Variants in HAO1 observed in about 807,000 individuals in gnomAD.
The protein encoded by HAO1 is 2-Hydroxyacid oxidase 1.
Under a neutral mutation model 39.7 loss-of-function variants are expected in HAO1, and 34 were observed. The observed-to-expected ratio is 0.86, with a 90% CI of 0.65 to 1.14. The LOEUF is 1.14. Ranked by LOEUF, HAO1 falls within the 50% of genes most tolerant of loss-of-function variation. The pLI, the probability that HAO1 is intolerant of heterozygous loss-of-function variation, is 0.00. For missense variants in HAO1, 479 were observed against 464.5 expected, an observed-to-expected ratio of 1.03 and a Z score of -0.29; for synonymous variants, 172 against 173.2, an observed-to-expected ratio of 0.99 and a Z score of 0.05.
At chr20:7,937,991 C>T (rs1433529111) in intron 1 of HAO1, among the ~76,000 whole-genome samples, 1 of 152,116 alleles carries the variant, frequency 6.6e-6, no homozygotes, top group Non-Finnish European at 1.5e-5. Flanking sequence ...GAGCTGAGTA[C>T]AGAGAAATAA....
At chr20:7,898,885 A>C (rs2050208900) in intron 4 of HAO1, among the ~76,000 whole-genome samples, 1 of 151,690 alleles carries the variant, frequency 6.6e-6, no homozygotes, top group Admixed American at 6.6e-5. Context: ...AATATTCTGA[A>C]TTGGTGTGGT....
intron 4 of HAO1, among the ~76,000 whole-genome samples, chr20:7,901,981 C>A (rs963266366): frequency 2.6e-5 from 4 of 152,020 alleles, no homozygotes; most frequent in Non-Finnish European, 5.9e-5. Flanking sequence ...AGATGTGGAG[C>A]CTGAAGCTGT....
chr20:7,889,976 G>C (rs2050166569), intron 5 of HAO1, among the ~76,000 whole-genome samples: 1 of 152,076 alleles, frequency 6.6e-6, no homozygotes, highest in Non-Finnish European at 1.5e-5. Context: ...AGTATAGCAA[G>C]TTCTTCTGTG....
chr20:7,918,506 G>A (rs1043951193), intron 2 of HAO1, among the ~76,000 whole-genome samples: 7 of 152,080 alleles, frequency 4.6e-5, no homozygotes, highest in African/African-American at 1.7e-4. Flanking sequence ...CCCAGCCCCC[G>A]AGTCTCTTCA....
intron 4 of HAO1, among the ~76,000 whole-genome samples, chr20:7,902,941 TG>T (rs1322682804): frequency 6.6e-6 from 1 of 152,218 alleles, no homozygotes; most frequent in East Asian, 1.9e-4. Flanking sequence ...GTCAGATGTT[TG>T]GTCTAGATCT....
chr20:7,893,515 A>C (rs1354531299), intron 5 of HAO1, among the ~76,000 whole-genome samples: 1 of 152,190 alleles, frequency 6.6e-6, no homozygotes, highest in Admixed American at 6.5e-5. Flanking sequence ...CCTGGGGATA[A>C]CGTCACCATT....
intron 2 of HAO1, among the ~76,000 whole-genome samples, chr20:7,928,334 G>C (rs1010428105): frequency 6.6e-6 from 1 of 150,614 alleles, no homozygotes; most frequent in African/African-American, 2.4e-5. Flanking sequence ...AGTAAGAAAA[G>C]GTAGCTCTAT....
intron 3 of HAO1, among the ~76,000 whole-genome samples, chr20:7,907,095 G>A (rs2050251974): frequency 6.6e-6 from 1 of 152,200 alleles, no homozygotes; most frequent in East Asian, 1.9e-4. Flanking sequence ...GGTGGTGGTG[G>A]GCATGGGAGA....
At chr20:7,897,621 T>C (rs2050203655) in intron 4 of HAO1, among the ~76,000 whole-genome samples, 1 of 152,116 alleles carries the variant, frequency 6.6e-6, no homozygotes, top group African/African-American at 2.4e-5. Context: ...GTCATTTTTC[T>C]AATCATTGGG....
In HAO1 at chr20:7,883,307, AG is replaced by A. The variant is rs2050135673; in HGVS notation, c.*285del. 5 of 427,526 alleles carry A rather than the reference AG, an allele frequency of 1.2e-5. No homozygotes were observed. Among genetic ancestry groups the A allele is most frequent in the Non-Finnish European group, 1.3e-5 (3 of 233,766 alleles). The allele number at this position is 427,526 out of a possible 1,614,324, so 26.5% of individuals were successfully genotyped here. ...ATTTTACTAAAGGATACAGCACTTT[AG>A]CCTGCCAGGGGATGACGTTGTCTAA... is the stretch of plus-strand genomic sequence containing the variant. On this transcript the variant is annotated 3_prime_UTR_variant, in exon 8 of 8. Transcript: ENST00000378789.
At chr20:7,936,552 G>GTGTGTGTGTGTGTGTT (rs1488706496) in intron 1 of HAO1, among the ~76,000 whole-genome samples, 5 of 148,280 alleles carry the variant, frequency 3.4e-5, no homozygotes, top group African/African-American at 1.2e-4. Context: ...GTGTGTTCGC[G>GTGTGTGTGTGTGTGTT]CGCGCGCGCG....
chr20:7,936,552 G>GTGTGTGTGTGTGTGTGTGTT (rs1488706496), intron 1 of HAO1, among the ~76,000 whole-genome samples: 2 of 148,280 alleles, frequency 1.3e-5, no homozygotes, highest in African/African-American at 4.9e-5. Flanking sequence ...GTGTGTTCGC[G>GTGTGTGTGTGTGTGTGTGTT]CGCGCGCGCG....
chr20:7,909,357 T>C (rs1402527688), intron 3 of HAO1, among the ~76,000 whole-genome samples: 1 of 101,698 alleles, frequency 9.8e-6, no homozygotes, highest in East Asian at 3.8e-4. Flanking sequence ...ATTCGGATTA[T>C]GACATATATA....
At chr20:7,899,578 T>C (rs2050212263) in intron 4 of HAO1, among the ~76,000 whole-genome samples, 2 of 152,134 alleles carry the variant, frequency 1.3e-5, no homozygotes, top group Non-Finnish European at 2.9e-5. Context: ...ATTCTTCAGG[T>C]AGTATTGGGA....
At chr20:7,913,413 T>G (rs1001148350) in intron 3 of HAO1, among the ~76,000 whole-genome samples, 1 of 152,142 alleles carries the variant, frequency 6.6e-6, no homozygotes, top group Non-Finnish European at 1.5e-5. Context: ...TGGTGGAAAC[T>G]GAAGGAAGGA....
intron 1 of HAO1, among the ~76,000 whole-genome samples, chr20:7,935,866 T>C (rs2050407608): frequency 6.6e-6 from 1 of 152,202 alleles, no homozygotes; most frequent in African/African-American, 2.4e-5. Context: ...TGCATGAGTA[T>C]AATAAACGTG....
intron 5 of HAO1, among the ~76,000 whole-genome samples, chr20:7,889,153 T>C (rs2050163121): frequency 1.3e-5 from 2 of 151,666 alleles, no homozygotes; most frequent in African/African-American, 2.4e-5. Flanking sequence ...TCTGATACAT[T>C]AAATGTTTCT....
intron 2 of HAO1, among the ~76,000 whole-genome samples, chr20:7,928,576 T>G (rs1242663889): frequency 6.6e-6 from 1 of 151,684 alleles, no homozygotes; most frequent in Non-Finnish European, 1.5e-5. Context: ...AAGTAGCTCA[T>G]GCTCAGTATC....
At chr20:7,903,858 C>CGGT (rs10585629) in intron 4 of HAO1, among the ~76,000 whole-genome samples, 3,557 of 57,518 alleles carry the variant, frequency 0.062, 84 homozygotes, top group Non-Finnish European at 0.086. Context: ...ATTGTGGTAG[C>CGGT]GGTGGTGGTG....
Sources: allele counts gnomAD v4.1 joint callset (sites outside exome capture counted in the v4.1 genomes callset), GRCh38; gene constraint gnomAD v4.1.1; transcripts MANE v1.5; gene names NCBI Gene and HGNC (gene_info 2026-07-23, HGNC 2026-07-21).